Variants in ALK observed in about 807,000 individuals in gnomAD.
ALK encodes the protein ALK tyrosine kinase receptor.
ALK carries 74 observed loss-of-function variants against 163.1 expected under a neutral mutation model. The observed-to-expected ratio is 0.45, with a 90% CI of 0.38 to 0.55. The LOEUF (loss-of-function observed/expected upper bound fraction) is 0.55, where lower values mean the gene tolerates loss of function less well. Among genes scored for constraint, ALK ranks in the 20% least tolerant of loss-of-function variants. The pLI, the probability that ALK is intolerant of heterozygous loss-of-function variation, is 0.00. For synonymous variants in ALK, 960 were observed against 843.2 expected (o/e 1.14, Z -2.40); for missense variants, 2,063 against 2,105.3 (o/e 0.98, Z 0.39).
chr2:29,614,028 C>G (rs1259288582), intron 3 of ALK, among the ~76,000 whole-genome samples: 1 of 152,146 alleles, frequency 6.6e-6, no homozygotes, highest in East Asian at 1.9e-4. Flanking sequence ...GTCCAGACAG[C>G]CTTGTGTGAC....
intron 3 of ALK, among the ~76,000 whole-genome samples, chr2:29,595,695 A>T (rs1005623461): frequency 6.6e-6 from 1 of 152,152 alleles, no homozygotes; most frequent in Non-Finnish European, 1.5e-5. Context: ...AACACATGGG[A>T]GTAGGGGGAA....
intron 4 of ALK, among the ~76,000 whole-genome samples, chr2:29,454,353 A>G (rs1462851557): frequency 6.6e-6 from 1 of 152,178 alleles, no homozygotes; most frequent in Non-Finnish European, 1.5e-5. Context: ...TATACTTTAA[A>G]TCATCTCCAG....
intron 1 of ALK, among the ~76,000 whole-genome samples, chr2:29,744,988 G>A (rs1680171351): frequency 6.6e-6 from 1 of 152,130 alleles, no homozygotes; most frequent in Admixed American, 6.5e-5. Flanking sequence ...CAAAGAATTT[G>A]TGGACCTGTT....
intron 5 of ALK, among the ~76,000 whole-genome samples, chr2:29,371,442 C>G (rs185914406): frequency 1.5e-4 from 23 of 152,316 alleles, no homozygotes; most frequent in Admixed American, 3.3e-4. Context: ...GTGTGAGGAG[C>G]TCTGTCCAGG....
At chr2:29,523,612 A>G (rs978333706) in intron 4 of ALK, among the ~76,000 whole-genome samples, 1 of 152,184 alleles carries the variant, frequency 6.6e-6, no homozygotes, top group Non-Finnish European at 1.5e-5. Context: ...CTGAGATGAG[A>G]AGTGTCTGTT....
intron 3 of ALK, among the ~76,000 whole-genome samples, chr2:29,688,786 C>T (rs1678309730): frequency 6.6e-6 from 1 of 152,180 alleles, no homozygotes; most frequent in Non-Finnish European, 1.5e-5. Context: ...GTTTCCCCAA[C>T]TTCAACATTT....
chr2:29,514,339 T>A (rs897858189), intron 4 of ALK, among the ~76,000 whole-genome samples: 7 of 150,236 alleles, frequency 4.7e-5, no homozygotes, highest in African/African-American at 1.7e-4. Context: ...GATGAGTTCA[T>A]GTCCTTTGTA....
chr2:29,880,211 C>T lies in ALK; in HGVS notation c.667+39782G>A, dbSNP rs527387247. On this transcript the variant is annotated intron_variant, in intron 1 of 28. Transcript: ENST00000389048. ...CCCTGGCTGCCTTGGGAGGCAGTCT[C>T]CTCTCCATCCTGCTCCATACCTTTG... 2.0e-5 allele frequency among the ~76,000 whole-genome samples: 3 copies of T among 152,330 alleles called. No homozygotes were observed. The South Asian group carries it at 6.2e-4, about 32-fold the overall frequency.
intron 1 of ALK, among the ~76,000 whole-genome samples, chr2:29,885,771 T>C (rs575079898): frequency 6.6e-6 from 1 of 152,294 alleles, no homozygotes; most frequent in South Asian, 2.1e-4. Context: ...GAAAAAGGGT[T>C]CTAATTACTC....
intron 3 of ALK, among the ~76,000 whole-genome samples, chr2:29,687,547 T>C (rs1482483986): frequency 2.6e-5 from 4 of 152,004 alleles, no homozygotes; most frequent in East Asian, 1.9e-4. Flanking sequence ...AAAAAAAGGA[T>C]AGCATGTTTT....
intron 3 of ALK, among the ~76,000 whole-genome samples, chr2:29,569,333 A>G (rs143071856): frequency 1.5e-4 from 23 of 152,140 alleles, no homozygotes; most frequent in African/African-American, 5.5e-4. Context: ...ATTAACACCT[A>G]GTGAGCCCTT....
intron 3 of ALK, among the ~76,000 whole-genome samples, chr2:29,596,336 G>A (rs1171955422): frequency 6.6e-6 from 1 of 152,124 alleles, no homozygotes; most frequent in Non-Finnish European, 1.5e-5. Context: ...CCAATATCTT[G>A]TTTCTCCCAT....
At chr2:29,219,282 T>A (rs1448298080) in intron 23 of ALK, among the ~76,000 whole-genome samples, 2 of 152,148 alleles carry the variant, frequency 1.3e-5, no homozygotes, top group Admixed American at 1.3e-4. Flanking sequence ...AAATTCCTCT[T>A]CTCAAGGGGT....
At chr2:29,895,534 A>G (rs886389769) in intron 1 of ALK, among the ~76,000 whole-genome samples, 1 of 152,250 alleles carries the variant, frequency 6.6e-6, no homozygotes, top group Non-Finnish European at 1.5e-5. Context: ...GTCCAGCACC[A>G]GAATGCCTTA....
At chr2:29,441,027 C>A (rs1670527960) in intron 4 of ALK, among the ~76,000 whole-genome samples, 1 of 152,206 alleles carries the variant, frequency 6.6e-6, no homozygotes, top group Non-Finnish European at 1.5e-5. Context: ...TGGACTTGGA[C>A]TTCCCATCAC....
chr2:29,453,550 T>G (rs980839930), intron 4 of ALK, among the ~76,000 whole-genome samples: 2 of 152,212 alleles, frequency 1.3e-5, no homozygotes, highest in African/African-American at 4.8e-5. Context: ...ATAAAAAGTT[T>G]CTTTTTTTTG....
chr2:29,208,559 G>A (rs554658464), intron 25 of ALK, among the ~76,000 whole-genome samples: 7 of 152,316 alleles, frequency 4.6e-5, no homozygotes, highest in African/African-American at 1.7e-4. Flanking sequence ...GGATAGCAGT[G>A]GTAGACACTC....
At chr2:29,661,339 A>G (rs1362224876) in intron 3 of ALK, among the ~76,000 whole-genome samples, 1 of 152,150 alleles carries the variant, frequency 6.6e-6, no homozygotes, top group Non-Finnish European at 1.5e-5. Flanking sequence ...CTAACAGGCC[A>G]GAAGATTAGA....
intron 1 of ALK, among the ~76,000 whole-genome samples, chr2:29,817,351 G>A (rs563801067): frequency 6.6e-6 from 1 of 152,296 alleles, no homozygotes; most frequent in Admixed American, 6.5e-5. Context: ...AAATCATACT[G>A]CATGGTTGGA....
Sources: gnomAD v4.1 joint callset for allele counts (sites outside exome capture counted in the v4.1 genomes callset) on GRCh38, gnomAD v4.1.1 for gene constraint, MANE v1.5 for transcripts, NCBI Gene and HGNC (gene_info 2026-07-23, HGNC 2026-07-21) for gene names.